Variants in HTR3B observed in about 807,000 individuals in gnomAD.
The protein encoded by HTR3B is 5-hydroxytryptamine receptor 3B.
A neutral mutation model predicts 42.8 loss-of-function variants in HTR3B; 44 were observed. The observed-to-expected ratio is 1.03, with a 90% CI of 0.81 to 1.32. The LOEUF is 1.32. HTR3B is among the 40% of genes most tolerant of loss of function. HTR3B has a pLI of 0.00. For synonymous variants in HTR3B, 203 were observed against 209.0 expected (o/e 0.97, Z 0.25); for missense variants, 527 against 536.5 (o/e 0.98, Z 0.17).
intron 2 of HTR3B, among the ~76,000 whole-genome samples, chr11:113,915,860 C>T (rs1446326564): frequency 6.6e-5 from 10 of 151,708 alleles, no homozygotes; most frequent in Admixed American, 2.6e-4. Flanking sequence ...TTTTTTTAGA[C>T]GGAGTCTTGA....
intron 2 of HTR3B, among the ~76,000 whole-genome samples, chr11:113,928,262 C>T (rs536895033): frequency 4.4e-4 from 67 of 152,288 alleles, no homozygotes; most frequent in Admixed American, 3.3e-3. Context: ...ATATGTACCA[C>T]ATTTTCTTTA....
chr11:113,926,845 C>A (rs1001475878), intron 2 of HTR3B, among the ~76,000 whole-genome samples: 1 of 152,142 alleles, frequency 6.6e-6, no homozygotes, highest in Non-Finnish European at 1.5e-5. Context: ...GGTTTTCAAA[C>A]TGACTGAATC....
chr11:113,938,983 G>A (rs1950112426), intron 6 of HTR3B, among the ~76,000 whole-genome samples: 1 of 151,240 alleles, frequency 6.6e-6, no homozygotes, highest in South Asian at 2.1e-4. Context: ...CAATAAGAGC[G>A]AAATTGTGTC....
chr11:113,933,119 T>C (rs752436866), intron 6 of HTR3B, 26 bp downstream of exon 6: 1 of 1,603,004 alleles, frequency 6.2e-7, no homozygotes, highest in Non-Finnish European at 8.5e-7. Context: ...CCTGTCCCCG[T>C]TGCCCGCTTC....
chr11:113,937,160 T>C (rs1435419066), intron 6 of HTR3B, among the ~76,000 whole-genome samples: 1 of 152,192 alleles, frequency 6.6e-6, no homozygotes, highest in East Asian at 1.9e-4. Flanking sequence ...AGGGGCAGTT[T>C]TGCAGAGAGC....
At chr11:113,909,147 C>T in intron 1 of HTR3B, 148 bp from the exon 2 acceptor site, 1 of 664,544 alleles carries the variant, frequency 1.5e-6, no homozygotes, top group Non-Finnish European at 2.6e-6. Context: ...TGCCAAAGGC[C>T]CCACCAGCTG....
upstream of HTR3B, among the ~76,000 whole-genome samples, chr11:113,900,554 C>T (rs1000351406): frequency 6.6e-5 from 10 of 152,000 alleles, no homozygotes; most frequent in African/African-American, 2.4e-4. Flanking sequence ...AGTGCAATGA[C>T]GCAATCTCGG....
At chr11:113,914,306 A>C (rs1949830860) in intron 2 of HTR3B, among the ~76,000 whole-genome samples, 1 of 151,514 alleles carries the variant, frequency 6.6e-6, no homozygotes, top group South Asian at 2.1e-4. Flanking sequence ...CTCTACTAAA[A>C]ATACAAAATC....
chr11:113,948,987 G>A lies in HTR3B; in HGVS notation c.*2850G>A, dbSNP rs997163516. Among the ~76,000 whole-genome samples the A allele has an allele frequency of 1.3e-5, 2 of 152,122 alleles. No individual in the cohort carries two copies. The highest frequency in any genetic ancestry group is 2.1e-4 in the South Asian group (1 of 4,836). The stretch of plus-strand genomic sequence containing the variant: ...GTATACATATGTAACAAACCTGCAC[G>A]TTGTGCACATGTACCCTAAAACTTA... On this transcript the variant is annotated 3_prime_UTR_variant, in exon 9 of 9. Coordinates refer to ENST00000260191, the MANE Select transcript of HTR3B (RefSeq NM_006028.5).
At chr11:113,924,578 T>C (rs1473409904) in intron 2 of HTR3B, among the ~76,000 whole-genome samples, 1 of 146,646 alleles carries the variant, frequency 6.8e-6, no homozygotes, top group African/African-American at 2.5e-5. Flanking sequence ...TGAGCCATGA[T>C]TGTGCCACTG....
At chr11:113,907,490 C>T (rs918305351) in intron 1 of HTR3B, among the ~76,000 whole-genome samples, 15 of 152,132 alleles carry the variant, frequency 9.9e-5, no homozygotes, top group South Asian at 2.1e-4. Context: ...GAACTCTTTC[C>T]CCTTTTGGTT....
At chr11:113,921,353 C>T (rs1040930985) in intron 2 of HTR3B, among the ~76,000 whole-genome samples, 1 of 151,854 alleles carries the variant, frequency 6.6e-6, no homozygotes, top group Non-Finnish European at 1.5e-5. Flanking sequence ...ACCATGTTGG[C>T]CAGGCTGGTC....
At chr11:113,943,317 A>G in intron 7 of HTR3B, 125 bp downstream of exon 7, 1 of 768,152 alleles carries the variant, frequency 1.3e-6, no homozygotes, top group South Asian at 1.6e-5. Context: ...TGGGAGGACC[A>G]CTTCAGCTCA....
rs756304655 is a variant in HTR3B, at chr11:113,948,089, C to T, written c.*1952C>T. On this transcript the variant is annotated 3_prime_UTR_variant, in exon 9 of 9. Transcript: ENST00000260191. The stretch of plus-strand genomic sequence containing the variant: ...TCAGCGCCAATTGTCCATGAAATTC[C>T]ACTGCTGCTGTTAATGAAATGAGGA... Among the ~76,000 whole-genome samples, 3 of 152,092 alleles carry T rather than the reference C, an allele frequency of 2.0e-5. No homozygotes were observed. Among genetic ancestry groups the T allele is most frequent in the African/African-American group, 7.2e-5 (3 of 41,408 alleles).
At chr11:113,908,011 A>C (rs547953004) in intron 1 of HTR3B, among the ~76,000 whole-genome samples, 19 of 152,306 alleles carry the variant, frequency 1.2e-4, no homozygotes, top group Non-Finnish European at 2.4e-4. Flanking sequence ...TGCCTGATGC[A>C]AGCCACACAC....
chr11:113,930,487 C>CTTTTTTTT (rs528919776), intron 2 of HTR3B, among the ~76,000 whole-genome samples: 5 of 121,938 alleles, frequency 4.1e-5, no homozygotes, highest in African/African-American at 6.3e-5. Flanking sequence ...TTTCTTTTCT[C>CTTTTTTTT]TTTTTTTTTT....
rs45603544 is a variant in HTR3B at position 113,947,785 on chromosome 11, A to T, written c.*1648A>T. 0.031 allele frequency among the ~76,000 whole-genome samples: 4,687 copies of T among 152,218 alleles called. 130 individuals carry two copies. The highest frequency in any genetic ancestry group is 0.058 in the Admixed American group (881 of 15,294). ...ATATGAATTTTGGGGAGTGGGCAGC[A>T]GACAAAGGGGACATATTTCAGCCCA... On this transcript the variant is annotated 3_prime_UTR_variant, in exon 9 of 9. Coordinates refer to ENST00000260191, the MANE Select transcript of HTR3B (RefSeq NM_006028.5).
At chr11:113,911,843 T>C (rs1245283021) in intron 2 of HTR3B, among the ~76,000 whole-genome samples, 2 of 152,080 alleles carry the variant, frequency 1.3e-5, no homozygotes, top group Non-Finnish European at 2.9e-5. Context: ...AACCCATATC[T>C]CTATCAAGAT....
intron 2 of HTR3B, among the ~76,000 whole-genome samples, chr11:113,915,325 T>C (rs377694472): frequency 5.9e-5 from 9 of 152,338 alleles, no homozygotes; most frequent in African/African-American, 2.2e-4. Context: ...TACATATTTC[T>C]TTTCTTCTAC....
Sources: gnomAD v4.1 joint callset for allele counts (sites outside exome capture counted in the v4.1 genomes callset) on GRCh38, gnomAD v4.1.1 for gene constraint, MANE v1.5 for transcripts, NCBI Gene and HGNC (gene_info 2026-07-23, HGNC 2026-07-21) for gene names.